Variants in PUM1 observed in about 807,000 individuals in gnomAD.
PUM1 encodes the protein pumilio homolog 1.
Under a neutral mutation model 131.8 loss-of-function variants are expected in PUM1, and 13 were observed. That is an observed-to-expected ratio of 0.10 (90% CI 0.06 to 0.16). The LOEUF (loss-of-function observed/expected upper bound fraction) is 0.16, where lower values mean the gene tolerates loss of function less well. Ranked by LOEUF, PUM1 falls within the 10% of genes least tolerant of loss-of-function variation. The pLI, the probability that PUM1 is intolerant of heterozygous loss-of-function variation, is 1.00. For missense variants in PUM1, 961 were observed against 1,512.4 expected (o/e 0.64, Z 6.05); for synonymous variants, 509 against 556.5 (o/e 0.91, Z 1.20).
chr1:31,006,427 T>C (rs894663958), intron 4 of PUM1, among the ~76,000 whole-genome samples: 1 of 152,270 alleles, frequency 6.6e-6, no homozygotes, highest in Non-Finnish European at 1.5e-5. Context: ...TGAGGTTCCA[T>C]GCTTACGTTG....
In PUM1 at chr1:31,048,385, GA is replaced by G. The variant is rs552072438; in HGVS notation, c.363+10818del. Among the ~76,000 whole-genome samples the G allele has an allele frequency of 5.3e-3, 808 of 151,798 alleles. 7 individuals are homozygous for G. The highest frequency in any genetic ancestry group is 0.019 in the African/African-American group (776 of 41,480). ...AACTGCTGTTTTTTCCTCTAAGTAAGAATCTCAGGAATCATTATGCTTTCCT... is the reference window on the plus strand; with the variant it reads ...AACTGCTGTTTTTTCCTCTAAGTAAGATCTCAGGAATCATTATGCTTTCCT... On this transcript the variant is annotated intron_variant, in intron 2 of 21. Coordinates refer to ENST00000426105, the MANE Select transcript of PUM1 (RefSeq NM_001020658.2).
intron 2 of PUM1, among the ~76,000 whole-genome samples, chr1:31,029,996 A>T (rs34146247): frequency 0.022 from 3,349 of 151,342 alleles, 86 homozygotes; most frequent in African/African-American, 0.064. Flanking sequence ...CAGGAGGATC[A>T]CTTGAGATCA....
intron 13 of PUM1, 44 bp downstream of exon 13, chr1:30,965,938 A>C (rs772832597): frequency 6.5e-7 from 1 of 1,544,074 alleles, no homozygotes; most frequent in Non-Finnish European, 8.7e-7. Flanking sequence ...GATTGTAAAA[A>C]TAATTAAAAT....
intron 2 of PUM1, among the ~76,000 whole-genome samples, chr1:31,049,822 CCTTTTT>C (rs1644064140): frequency 1.6e-5 from 2 of 128,280 alleles, no homozygotes; most frequent in African/African-American, 6.0e-5. Flanking sequence ...GACTGAACTT[CCTTTTT>C]TTTTTTTTTT....
chr1:30,964,350 T>C (rs1371203672), intron 14 of PUM1, among the ~76,000 whole-genome samples: 1 of 152,220 alleles, frequency 6.6e-6, no homozygotes, highest in Admixed American at 6.5e-5. Flanking sequence ...TTAAATTCTG[T>C]CTCTGTGTTT....
At position 30,965,117 on chromosome 1, in the gene PUM1, C is replaced by T. The variant is rs144560961; in HGVS notation, c.2087-207G>A. On this transcript the variant is annotated intron_variant, in intron 13 of 21. Transcript: ENST00000426105. ...GGTTAACATGACCATCAAACATATG[C>T]CAAATTTACCTTCCTATGGTGTCGT... is the stretch of plus-strand genomic sequence containing the variant. Among the ~76,000 whole-genome samples, 298 of 152,108 alleles carry T rather than the reference C, an allele frequency of 2.0e-3. 1 individual carries two copies. The highest frequency in any genetic ancestry group is 6.9e-3 in the African/African-American group (287 of 41,476).
chr1:31,065,374 G>A (rs542581698), intron 1 of PUM1, among the ~76,000 whole-genome samples: 92 of 152,046 alleles, frequency 6.1e-4, no homozygotes, highest in Non-Finnish European at 1.1e-3. Flanking sequence ...TAAACCCCCA[G>A]CATTTTCCTA....
At chr1:31,015,083 A>G (rs544959140) in intron 3 of PUM1, among the ~76,000 whole-genome samples, 1 of 152,368 alleles carries the variant, frequency 6.6e-6, no homozygotes, top group African/African-American at 2.4e-5. Flanking sequence ...AGTAAAATAC[A>G]AAATTGTACA....
intron 5 of PUM1, among the ~76,000 whole-genome samples, chr1:30,996,257 A>C (rs1641976525): frequency 6.6e-6 from 1 of 152,230 alleles, no homozygotes; most frequent in Non-Finnish European, 1.5e-5. Flanking sequence ...ACATGGACCA[A>C]GTTCAAGTTC....
chr1:31,011,396 T>C (rs1570268007), intron 3 of PUM1, among the ~76,000 whole-genome samples: 1 of 152,282 alleles, frequency 6.6e-6, no homozygotes, highest in East Asian at 1.9e-4. Flanking sequence ...TGAAAAAAAG[T>C]AAAAGACTGG....
intron 17 of PUM1, chr1:30,948,988 T>C (rs1639808844): frequency 2.4e-6 from 1 of 418,030 alleles, no homozygotes; most frequent in African/African-American, 2.0e-5. Context: ...TTCACCAGCA[T>C]CGTGGCACAT....
intron 3 of PUM1, among the ~76,000 whole-genome samples, chr1:31,021,729 A>G (rs1308201367): frequency 6.6e-6 from 1 of 152,206 alleles, no homozygotes; most frequent in Non-Finnish European, 1.5e-5. Context: ...TAAGAATACT[A>G]CAAATCACTT....
chr1:31,058,018 T>C (rs1199697788), intron 2 of PUM1, among the ~76,000 whole-genome samples: 1 of 152,146 alleles, frequency 6.6e-6, no homozygotes, highest in Non-Finnish European at 1.5e-5. Context: ...AAGGCTAACC[T>C]CTCTTCTCAG....
chr1:30,958,597 T>C (rs1364040578), intron 14 of PUM1, among the ~76,000 whole-genome samples: 1 of 152,092 alleles, frequency 6.6e-6, no homozygotes, highest in Non-Finnish European at 1.5e-5. Context: ...AAGAGATCCA[T>C]GGGTAGGCAG....
At chr1:30,986,792 CAT>C (rs1437860298) in intron 7 of PUM1, among the ~76,000 whole-genome samples, 4 of 152,188 alleles carry the variant, frequency 2.6e-5, no homozygotes, top group African/African-American at 9.6e-5. Flanking sequence ...TTACTATACA[CAT>C]GACACTTGAT....
At position 31,043,558 on chromosome 1, in the gene PUM1, A is replaced by G. The variant is rs1036828459; in HGVS notation, c.364-14694T>C. Among the ~76,000 whole-genome samples, 3 of 152,256 alleles carry G rather than the reference A, an allele frequency of 2.0e-5. No homozygotes were observed. In the East Asian group the frequency reaches 5.8e-4, roughly 29 times the overall value. On this transcript the variant is annotated intron_variant, in intron 2 of 21. Coordinates refer to ENST00000426105, the MANE Select transcript of PUM1 (RefSeq NM_001020658.2). ...ATTTTAAATACATATAATAACCAAG[A>G]CTAGGTTAATGAACTGTCCCCTTGT...
intron 2 of PUM1, among the ~76,000 whole-genome samples, chr1:31,039,566 G>A (rs1643751905): frequency 6.6e-6 from 1 of 152,134 alleles, no homozygotes; most frequent in Non-Finnish European, 1.5e-5. Flanking sequence ...TGTTATGTAT[G>A]TGTAAGGATT....
chr1:31,007,407 G>A (rs943720403), intron 3 of PUM1, among the ~76,000 whole-genome samples: 3 of 152,182 alleles, frequency 2.0e-5, no homozygotes, highest in African/African-American at 4.8e-5. Context: ...GAGTGGGGAA[G>A]GGAACTAACA....
At chr1:30,967,752 A>T (rs1640683683) in intron 11 of PUM1, among the ~76,000 whole-genome samples, 1 of 152,236 alleles carries the variant, frequency 6.6e-6, no homozygotes, top group South Asian at 2.1e-4. Context: ...TATGATCAGT[A>T]AAGGTCCATA....
Sources: gnomAD v4.1 joint callset for allele counts (sites outside exome capture counted in the v4.1 genomes callset) on GRCh38, gnomAD v4.1.1 for gene constraint, MANE v1.5 for transcripts, NCBI Gene and HGNC (gene_info 2026-07-23, HGNC 2026-07-21) for gene names.